The following UTRN variants were observed in gnomAD, a reference collection of about 807,000 sequenced individuals.
The protein encoded by UTRN is dystrophin-related protein 1.
A neutral mutation model predicts 463.9 loss-of-function variants in UTRN; 283 were observed. That is an observed-to-expected ratio of 0.61 (90% CI 0.55 to 0.67). The LOEUF (loss-of-function observed/expected upper bound fraction) is 0.67, where lower values mean the gene tolerates loss of function less well. Ranked by LOEUF, UTRN falls within the 30% of genes least tolerant of loss-of-function variation. The pLI is 0.00. For synonymous variants in UTRN, 1,442 were observed against 1,431.5 expected, an observed-to-expected ratio of 1.01 and a Z score of -0.17; for missense variants, 3,922 against 4,084.3, an observed-to-expected ratio of 0.96 and a Z score of 1.08.
At chr6:144,614,613 C>A (rs540249901) in intron 51 of UTRN, among the ~76,000 whole-genome samples, 1 of 152,234 alleles carries the variant, frequency 6.6e-6, no homozygotes, top group Non-Finnish European at 1.5e-5. Flanking sequence ...ACAAAAGGAG[C>A]TAGATATTCC....
At chr6:144,452,813 G>A (rs889891761) in intron 18 of UTRN, among the ~76,000 whole-genome samples, 2 of 151,430 alleles carry the variant, frequency 1.3e-5, no homozygotes, top group Non-Finnish European at 2.9e-5. Context: ...GCGTGAGCTT[G>A]CACTTGTAAC....
intron 52 of UTRN, among the ~76,000 whole-genome samples, chr6:144,683,220 A>G (rs1782387277): frequency 6.6e-6 from 1 of 152,204 alleles, no homozygotes; most frequent in Non-Finnish European, 1.5e-5. Flanking sequence ...TGGCTTCCCA[A>G]GTGAGAAACC....
chr6:144,708,810 T>C (rs1785351620), intron 53 of UTRN, among the ~76,000 whole-genome samples: 3 of 152,164 alleles, frequency 2.0e-5, no homozygotes, highest in Admixed American at 6.6e-5. Context: ...TTTATTTGGC[T>C]CACACTTTTG....
intron 44 of UTRN, among the ~76,000 whole-genome samples, chr6:144,538,731 T>A (rs1213444954): frequency 6.6e-6 from 1 of 151,872 alleles, no homozygotes; most frequent in Non-Finnish European, 1.5e-5. Flanking sequence ...CATAAGTGTG[T>A]GTGAAAGGTT....
At chr6:144,539,072 G>A (rs28493305) in intron 44 of UTRN, among the ~76,000 whole-genome samples, 1 of 152,136 alleles carries the variant, frequency 6.6e-6, no homozygotes, top group African/African-American at 2.4e-5. Context: ...CAGAGAGCCC[G>A]TTTGTGCACA....
chr6:144,640,463 A>G (rs2128661082), intron 51 of UTRN, among the ~76,000 whole-genome samples: 1 of 152,316 alleles, frequency 6.6e-6, no homozygotes, highest in East Asian at 1.9e-4. Flanking sequence ...CTAAACTGAT[A>G]TCGTACATTC....
rs752984251 is a variant in UTRN, at chr6:144,836,496, A to G, written c.10020A>G (p.Lys3340=). 6.2e-7 allele frequency: 1 copy of G among 1,613,844 alleles called. No individual in the cohort carries two copies. The highest frequency in any genetic ancestry group is 1.1e-5 in the South Asian group (1 of 91,064). Residue 3340 remains lysine (K), a synonymous_variant, in exon 71 of 75, where the codon AAA becomes AAG. Coordinates refer to ENST00000367545, the MANE Select transcript of UTRN (RefSeq NM_007124.3). ...TGCAGATTTTAGAAGATCACAATAA[A>G]CAGCTGGAGTCTCAGCTCCACCGCC... The part of the protein sequence containing the change: ...ARMQILEDHN[K]QLESQLHRLR...
intron 18 of UTRN, among the ~76,000 whole-genome samples, chr6:144,451,880 A>T (rs1421140129): frequency 6.6e-6 from 1 of 152,232 alleles, no homozygotes; most frequent in African/African-American, 2.4e-5. Flanking sequence ...TTTTAAATCA[A>T]AAAGTGTATT....
chr6:144,775,319 A>G (rs1332515697), intron 60 of UTRN, among the ~76,000 whole-genome samples: 3 of 152,216 alleles, frequency 2.0e-5, no homozygotes, highest in Non-Finnish European at 1.5e-5. Context: ...ATAGCAATGC[A>G]AAGCTTGAAA....
In UTRN at chr6:144,384,539, A is replaced by G. The variant is rs72991979; in HGVS notation, c.80-18584A>G. On this transcript the variant is annotated intron_variant, in intron 2 of 74. Transcript: ENST00000367545. The stretch of plus-strand genomic sequence containing the variant: ...CAAAACCGGTTCCTTTTTGGTGCCA[A>G]AAAGGTTAGGGACCGCCACATTAAA... Among the ~76,000 whole-genome samples, 908 of 152,148 alleles carry G rather than the reference A, an allele frequency of 6.0e-3. 5 individuals are homozygous for G. Among genetic ancestry groups the G allele is most frequent in the Non-Finnish European group, 7.6e-3 (519 of 67,994 alleles).
At chr6:144,636,454 T>C (rs1777186463) in intron 51 of UTRN, among the ~76,000 whole-genome samples, 1 of 152,116 alleles carries the variant, frequency 6.6e-6, no homozygotes, top group Non-Finnish European at 1.5e-5. Flanking sequence ...GATGATGGGT[T>C]GATAGGCGCA....
intron 65 of UTRN, among the ~76,000 whole-genome samples, chr6:144,816,956 TGAA>T (rs1417108713): frequency 6.6e-6 from 1 of 152,162 alleles, no homozygotes; most frequent in African/African-American, 2.4e-5. Context: ...TTATTTAAAA[TGAA>T]GGACAAATTT....
chr6:144,836,013 T>C, intron 70 of UTRN, 75 bp downstream of exon 70: 2 of 1,545,594 alleles, frequency 1.3e-6, no homozygotes, highest in Non-Finnish European at 1.7e-6. Flanking sequence ...CCATTTATTC[T>C]CTTTTTCAAG....
At chr6:144,409,810 C>T (rs775119988) in intron 3 of UTRN, among the ~76,000 whole-genome samples, 35 of 152,262 alleles carry the variant, frequency 2.3e-4, no homozygotes, top group Admixed American at 6.5e-4. Flanking sequence ...AAATAAAAAA[C>T]CCTGCCAACA....
At chr6:144,318,733 G>A (rs979891517) in intron 2 of UTRN, among the ~76,000 whole-genome samples, 3 of 152,132 alleles carry the variant, frequency 2.0e-5, no homozygotes, top group Admixed American at 2.0e-4. Flanking sequence ...CAAAGTGCTG[G>A]GATTACAGGC....
chr6:144,658,252 A>G (rs1779524556), intron 51 of UTRN, among the ~76,000 whole-genome samples: 2 of 152,222 alleles, frequency 1.3e-5, no homozygotes, highest in South Asian at 4.1e-4. Flanking sequence ...TTTATGAAAA[A>G]ATAATGAAAA....
intron 23 of UTRN, 65 bp from the exon 24 acceptor site, chr6:144,473,655 A>T (rs1790892148): frequency 8.0e-7 from 1 of 1,256,740 alleles, no homozygotes; most frequent in Non-Finnish European, 1.1e-6. Context: ...GTGGCGGTAG[A>T]TCTTGAGATG....
chr6:144,438,855 A>G lies in UTRN; in HGVS notation c.1352A>G (p.Asp451Gly). The G allele has an allele frequency of 6.2e-7, 1 of 1,614,230 alleles. No homozygotes were observed. Among genetic ancestry groups the G allele is most frequent in the Non-Finnish European group, 8.5e-7 (1 of 1,180,038 alleles). Residue 451 changes from aspartate to glycine, a missense_variant, in exon 12 of 75, where the codon GAT becomes GGT. Physicochemically the swap from Asp to Gly is moderately conservative, Grantham distance 94. Transcript: ENST00000367545. Reference sequence around the variant, plus strand: ...AAGATGGAAACTTGCCCCCTGGATGATGATGTAAAATCTCTACAAAAGCTG... The same window carrying G: ...AAGATGGAAACTTGCCCCCTGGATGGTGATGTAAAATCTCTACAAAAGCTG... Reference protein sequence around the residue: ...IQKMETCPLDDDVKSLQKLLE... With the variant: ...IQKMETCPLDGDVKSLQKLLE...
At chr6:144,773,171 G>A (rs1320980908) in intron 59 of UTRN, among the ~76,000 whole-genome samples, 2 of 152,142 alleles carry the variant, frequency 1.3e-5, no homozygotes, top group Non-Finnish European at 1.5e-5. Context: ...TTTCCAAAGA[G>A]TTGAGTATTG....
Sources: allele counts gnomAD v4.1 joint callset (sites outside exome capture counted in the v4.1 genomes callset), GRCh38; gene constraint gnomAD v4.1.1; transcripts MANE v1.5; gene names NCBI Gene and HGNC (gene_info 2026-07-23, HGNC 2026-07-21).